The following NSUN6 variants were observed in gnomAD, a reference collection of about 807,000 sequenced individuals.
NSUN6 encodes tRNA (cytosine(72)-C(5))-methyltransferase NSUN6.
In NSUN6, 64 loss-of-function variants were observed where a neutral mutation model predicts 58.0. The observed-to-expected ratio is 1.10, with a 90% CI of 0.90 to 1.36. NSUN6 has a LOEUF of 1.36. Ranked by LOEUF, NSUN6 falls within the 40% of genes most tolerant of loss-of-function variation. The pLI is 0.00. For synonymous variants in NSUN6, 231 were observed against 193.9 expected, an observed-to-expected ratio of 1.19 and a Z score of -1.59; for missense variants, 701 against 550.1, an observed-to-expected ratio of 1.27 and a Z score of -2.74.
chr10:18,650,602 AAT>A (rs1363688134), intron 1 of NSUN6, among the ~76,000 whole-genome samples: 18 of 152,368 alleles, frequency 1.2e-4, no homozygotes, highest in African/African-American at 3.6e-4. Flanking sequence ...TCCAGATTTC[AAT>A]AGTTACTTGA....
intron 3 of NSUN6, among the ~76,000 whole-genome samples, chr10:18,641,218 T>TTG (rs2059382431): frequency 6.6e-6 from 1 of 152,174 alleles, no homozygotes; most frequent in African/African-American, 2.4e-5. Flanking sequence ...AAATTGAAGT[T>TTG]TTAACAAACT....
chr10:18,615,927 T>C (rs888282709), intron 4 of NSUN6, among the ~76,000 whole-genome samples: 3 of 151,888 alleles, frequency 2.0e-5, no homozygotes, highest in Non-Finnish European at 2.9e-5. Context: ...TGACGTACTC[T>C]ATCAGTAATG....
At chr10:18,551,292 G>GTGTGTGTGTGTGTGTGT in intron 9 of NSUN6, among the ~76,000 whole-genome samples, 8 of 144,876 alleles carry the variant, frequency 5.5e-5, no homozygotes, top group South Asian at 2.2e-4. Context: ...GTGTGTGTGT[G>GTGTGTGTGTGTGTGTGT]GTAAAATATA....
intron 8 of NSUN6, among the ~76,000 whole-genome samples, chr10:18,584,056 A>T (rs1159508871): frequency 6.6e-6 from 1 of 152,170 alleles, no homozygotes; most frequent in Non-Finnish European, 1.5e-5. Context: ...GTCAATTTGC[A>T]GACCAAACCA....
At chr10:18,635,810 T>C (rs2059195124) in intron 3 of NSUN6, among the ~76,000 whole-genome samples, 2 of 150,904 alleles carry the variant, frequency 1.3e-5, no homozygotes, top group Admixed American at 1.3e-4. Context: ...TGCACTCCAG[T>C]CTGGGTGACA....
At chr10:18,616,878 A>G (rs1328525591) in intron 3 of NSUN6, among the ~76,000 whole-genome samples, 1 of 152,114 alleles carries the variant, frequency 6.6e-6, no homozygotes, top group East Asian at 1.9e-4. Flanking sequence ...CTTAACAATG[A>G]GTCTCTAATA....
upstream of NSUN6, chr10:18,652,645 C>A: frequency 2.4e-6 from 2 of 818,428 alleles, no homozygotes; most frequent in African/African-American, 1.9e-5. Flanking sequence ...ACTGCAACCT[C>A]CACCTCCTGG....
chr10:18,563,823 TAC>T (rs2055724548), intron 8 of NSUN6, among the ~76,000 whole-genome samples: 1 of 150,104 alleles, frequency 6.7e-6, no homozygotes, highest in Non-Finnish European at 1.5e-5. Context: ...TACATTCCAC[TAC>T]ACTCTCCACT....
intron 7 of NSUN6, among the ~76,000 whole-genome samples, chr10:18,586,762 G>C (rs1281456589): frequency 6.6e-6 from 1 of 151,948 alleles, no homozygotes; most frequent in Admixed American, 6.6e-5. Context: ...TATGTGGAAG[G>C]GGACCCTAGC....
chr10:18,645,312 CTG>C (rs1307466189), intron 2 of NSUN6, among the ~76,000 whole-genome samples: 1 of 152,060 alleles, frequency 6.6e-6, no homozygotes, highest in African/African-American at 2.4e-5. Context: ...TGTATATAAA[CTG>C]TTTCCTGCAC....
At chr10:18,594,616 T>C (rs1248593727) in intron 7 of NSUN6, among the ~76,000 whole-genome samples, 2 of 151,918 alleles carry the variant, frequency 1.3e-5, no homozygotes, top group African/African-American at 4.8e-5. Flanking sequence ...GCCCAGCTAC[T>C]TTTTTTTGTA....
chr10:18,593,574 G>A (rs967960435), intron 7 of NSUN6, among the ~76,000 whole-genome samples: 4 of 152,094 alleles, frequency 2.6e-5, no homozygotes, highest in African/African-American at 9.7e-5. Context: ...GGATGAAGCT[G>A]GAAGTTATCA....
At chr10:18,620,532 T>C (rs2058569442) in intron 3 of NSUN6, among the ~76,000 whole-genome samples, 1 of 152,202 alleles carries the variant, frequency 6.6e-6, no homozygotes, top group African/African-American at 2.4e-5. Context: ...CCAAACCTGA[T>C]CACTTTTATC....
chr10:18,560,271 G>A (rs28970509), intron 8 of NSUN6, among the ~76,000 whole-genome samples: 31,699 of 151,146 alleles, frequency 0.21, 3,625 homozygotes, highest in South Asian at 0.31. Context: ...GACGGCAATG[G>A]AATAGAGAAT....
intron 6 of NSUN6, among the ~76,000 whole-genome samples, chr10:18,600,961 C>CATATATATATATATGTAT (rs2057805394): frequency 2.1e-5 from 1 of 47,802 alleles, no homozygotes; most frequent in African/African-American, 7.6e-5. Flanking sequence ...TATATATATA[C>CATATATATATATATGTAT]ATATATATAT....
At chr10:18,657,110 G>A (rs1410903205), upstream of NSUN6, among the ~76,000 whole-genome samples, 8 of 152,100 alleles carry the variant, frequency 5.3e-5, no homozygotes, top group Admixed American at 5.2e-4. Context: ...TCACAGGCAT[G>A]AGCCACCGTG....
chr10:18,559,286 G>GAATGGAATGGAGAATGGAATGA (rs1435418698), intron 8 of NSUN6, among the ~76,000 whole-genome samples: 1 of 150,988 alleles, frequency 6.6e-6, no homozygotes, highest in Non-Finnish European at 1.5e-5. Flanking sequence ...ATGTGGAATT[G>GAATGGAATGGAGAATGGAATGA]AATGGAATGG....
intron 7 of NSUN6, among the ~76,000 whole-genome samples, chr10:18,594,444 G>A (rs1248757013): frequency 1.5e-5 from 2 of 130,050 alleles, no homozygotes; most frequent in Non-Finnish European, 3.4e-5. Context: ...TTTTTTTGTT[G>A]TTGTTGTTTT....
intron 7 of NSUN6, among the ~76,000 whole-genome samples, chr10:18,595,297 C>T (rs2057542497): frequency 6.6e-6 from 1 of 152,184 alleles, no homozygotes; most frequent in Non-Finnish European, 1.5e-5. Flanking sequence ...AAAACTGATA[C>T]ACCCATAATA....
Sources: allele counts gnomAD v4.1 joint callset (sites outside exome capture counted in the v4.1 genomes callset), GRCh38; gene constraint gnomAD v4.1.1; transcripts MANE v1.5; gene names NCBI Gene and HGNC (gene_info 2026-07-23, HGNC 2026-07-21).